The following SRBD1 variants were observed in gnomAD, a reference collection of about 807,000 sequenced individuals.
The protein encoded by SRBD1 is S1 RNA-binding domain-containing protein 1.
SRBD1 carries 88 observed loss-of-function variants against 115.3 expected under a neutral mutation model. That is an observed-to-expected ratio of 0.76 (90% CI 0.64 to 0.91). SRBD1 has a LOEUF of 0.91. Ranked by LOEUF, SRBD1 falls within the 40% of genes least tolerant of loss-of-function variation. The probability of loss-of-function intolerance (pLI) is 0.00; values close to 1 mark genes in which losing one functional copy is unlikely to be tolerated. For synonymous variants in SRBD1, 509 were observed against 407.7 expected (o/e 1.25, Z -2.99); for missense variants, 1,385 against 1,177.4 (o/e 1.18, Z -2.58).
At chr2:45,606,016 T>C (rs1674261432) in intron 1 of SRBD1, among the ~76,000 whole-genome samples, 1 of 151,944 alleles carries the variant, frequency 6.6e-6, no homozygotes, top group Non-Finnish European at 1.5e-5. Flanking sequence ...GGGTGACACC[T>C]GTAGGAAAAC....
At chr2:45,498,386 T>G (rs997364595) in intron 14 of SRBD1, among the ~76,000 whole-genome samples, 3 of 152,188 alleles carry the variant, frequency 2.0e-5, no homozygotes, top group Non-Finnish European at 2.9e-5. Flanking sequence ...CAGAAAGTTG[T>G]GTGTGCTCAT....
Position 45,547,624 on chromosome 2 carries a change from G to C in SRBD1, c.1676-12C>G, listed in dbSNP as rs752381405. 6.3e-7 allele frequency: 1 copy of C among 1,599,572 alleles called. No individual in the cohort carries two copies. The highest frequency in any genetic ancestry group is 8.5e-7 in the Non-Finnish European group (1 of 1,173,296). On this transcript the variant is annotated splice_polypyrimidine_tract_variant and intron_variant, in intron 12 of 20. Coordinates refer to ENST00000263736, the MANE Select transcript of SRBD1 (RefSeq NM_018079.5). ...ATGAAGTATCTGACCTTTAAAAAATGAAAAGAATAAGCCATTTTATAAGAA... is the reference window on the plus strand; with the variant it reads ...ATGAAGTATCTGACCTTTAAAAAATCAAAAGAATAAGCCATTTTATAAGAA...
chr2:45,513,664 C>G (rs17033764), intron 14 of SRBD1, among the ~76,000 whole-genome samples: 6,052 of 152,040 alleles, frequency 0.04, 213 homozygotes, highest in East Asian at 0.12. Context: ...GGAGTTAGAG[C>G]AGATCTTTGA....
intron 16 of SRBD1, among the ~76,000 whole-genome samples, chr2:45,433,731 T>C (rs920017550): frequency 2.0e-5 from 3 of 152,240 alleles, no homozygotes; most frequent in Admixed American, 6.5e-5. Flanking sequence ...ATGCTTTAGT[T>C]AGCTATTTAA....
intron 14 of SRBD1, among the ~76,000 whole-genome samples, chr2:45,517,888 C>G (rs1344373375): frequency 6.6e-6 from 1 of 151,858 alleles, no homozygotes; most frequent in Non-Finnish European, 1.5e-5. Context: ...GTACTCCCAG[C>G]TACTCTGGGG....
At chr2:45,481,180 G>C (rs1198618219) in intron 15 of SRBD1, among the ~76,000 whole-genome samples, 6 of 152,114 alleles carry the variant, frequency 3.9e-5, no homozygotes, top group African/African-American at 1.2e-4. Flanking sequence ...ACACACTATA[G>C]TATAAACATA....
chr2:45,610,309 A>G (rs1292547702), intron 1 of SRBD1, among the ~76,000 whole-genome samples: 2 of 152,240 alleles, frequency 1.3e-5, no homozygotes, highest in African/African-American at 4.8e-5. Flanking sequence ...GAAGGCAAAC[A>G]AAGGAGGACA....
intron 16 of SRBD1, among the ~76,000 whole-genome samples, chr2:45,429,560 T>C (rs1473849893): frequency 6.6e-6 from 1 of 152,106 alleles, no homozygotes; most frequent in Non-Finnish European, 1.5e-5. Context: ...ATTATCTCAA[T>C]AGATGCAGAA....
intron 11 of SRBD1, among the ~76,000 whole-genome samples, chr2:45,551,563 G>A (rs1672301292): frequency 2.0e-5 from 3 of 152,136 alleles, no homozygotes; most frequent in African/African-American, 7.2e-5. Context: ...ATAAATATGT[G>A]TATATGTGAG....
At chr2:45,566,251 T>C (rs1392963362) in intron 9 of SRBD1, among the ~76,000 whole-genome samples, 2 of 152,158 alleles carry the variant, frequency 1.3e-5, no homozygotes, top group Non-Finnish European at 2.9e-5. Flanking sequence ...ACACAAAAAC[T>C]TAGACACGAA....
At chr2:45,492,796 T>C (rs1670340100) in intron 14 of SRBD1, among the ~76,000 whole-genome samples, 1 of 152,350 alleles carries the variant, frequency 6.6e-6, no homozygotes, top group Middle Eastern at 3.4e-3. Flanking sequence ...ATTTACAAGA[T>C]TTCATGAAGA....
At chr2:45,424,323 T>C (rs1318155160) in intron 16 of SRBD1, among the ~76,000 whole-genome samples, 1 of 152,176 alleles carries the variant, frequency 6.6e-6, no homozygotes, top group Non-Finnish European at 1.5e-5. Context: ...ACAGAATTCA[T>C]TGATGAATCT....
At chr2:45,501,511 G>A (rs1053267404) in intron 14 of SRBD1, among the ~76,000 whole-genome samples, 25 of 152,178 alleles carry the variant, frequency 1.6e-4, no homozygotes, top group South Asian at 2.1e-4. Context: ...CCCAGGAAGC[G>A]CAAGGAGTCA....
At chr2:45,434,761 C>A (rs912335097) in intron 16 of SRBD1, among the ~76,000 whole-genome samples, 13 of 150,574 alleles carry the variant, frequency 8.6e-5, no homozygotes, top group African/African-American at 3.2e-4. Context: ...TGCCTATTTG[C>A]ATTTTTTTTC....
intron 19 of SRBD1, among the ~76,000 whole-genome samples, chr2:45,394,285 T>C (rs1667083494): frequency 6.6e-6 from 1 of 152,210 alleles, no homozygotes; most frequent in Admixed American, 6.5e-5. Flanking sequence ...AAAAAAGAAT[T>C]GAAGGGTTAA....
At chr2:45,530,180 A>AG (rs1321805770) in intron 14 of SRBD1, among the ~76,000 whole-genome samples, 1 of 152,052 alleles carries the variant, frequency 6.6e-6, no homozygotes, top group Non-Finnish European at 1.5e-5. Flanking sequence ...TTGAGTAAAC[A>AG]GAAGAATCAG....
At chr2:45,459,310 T>C (rs1669244033) in intron 16 of SRBD1, among the ~76,000 whole-genome samples, 1 of 152,224 alleles carries the variant, frequency 6.6e-6, no homozygotes, top group Non-Finnish European at 1.5e-5. Flanking sequence ...CTGTCATTAC[T>C]ATTTATAAGA....
chr2:45,446,710 C>A (rs1188409190), intron 16 of SRBD1, among the ~76,000 whole-genome samples: 11 of 148,346 alleles, frequency 7.4e-5, no homozygotes, highest in East Asian at 3.9e-4. Context: ...AAAAAAAAAA[C>A]CCCACAGAAC....
chr2:45,590,702 T>C (rs569308972), intron 4 of SRBD1, among the ~76,000 whole-genome samples: 60 of 152,258 alleles, frequency 3.9e-4, no homozygotes, highest in African/African-American at 1.4e-3. Context: ...TCCCCAGCCA[T>C]GCTGTACTGT....
Sources: gnomAD v4.1 joint callset for allele counts (sites outside exome capture counted in the v4.1 genomes callset) on GRCh38, gnomAD v4.1.1 for gene constraint, MANE v1.5 for transcripts, NCBI Gene and HGNC (gene_info 2026-07-23, HGNC 2026-07-21) for gene names.